The following CSMD1 variants were observed in gnomAD, a reference collection of about 807,000 sequenced individuals.
The protein encoded by CSMD1 is CUB and Sushi multiple domains 1.
A neutral mutation model predicts 417.5 loss-of-function variants in CSMD1; 213 were observed. That is an observed-to-expected ratio of 0.51 (90% CI 0.46 to 0.57). The LOEUF is 0.57. Ranked by LOEUF, CSMD1 falls within the 20% of genes least tolerant of loss-of-function variation. CSMD1 has a pLI of 0.00. For synonymous variants in CSMD1, 2,862 were observed against 1,736.8 expected (o/e 1.65, Z -16.11); for missense variants, 6,923 against 4,529.7 (o/e 1.53, Z -15.17).
At chr8:3,341,726 G>C (rs1807668237) in intron 23 of CSMD1, among the ~76,000 whole-genome samples, 1 of 152,144 alleles carries the variant, frequency 6.6e-6, no homozygotes, top group Non-Finnish European at 1.5e-5. Flanking sequence ...AAGAGAACTG[G>C]AAGAACGCCG....
At chr8:3,943,186 G>A (rs971726738) in intron 5 of CSMD1, among the ~76,000 whole-genome samples, 2 of 152,008 alleles carry the variant, frequency 1.3e-5, no homozygotes, top group African/African-American at 4.8e-5. Context: ...AATTGAGGAT[G>A]TTTCCTGGTG....
chr8:3,859,087 T>C (rs1804512337), intron 5 of CSMD1, among the ~76,000 whole-genome samples: 1 of 152,168 alleles, frequency 6.6e-6, no homozygotes, highest in Non-Finnish European at 1.5e-5. Context: ...CATCTTCTCA[T>C]CCATGCACAT....
chr8:4,822,281 C>G (rs115801911), intron 1 of CSMD1, among the ~76,000 whole-genome samples: 127 of 152,226 alleles, frequency 8.3e-4, no homozygotes, highest in African/African-American at 3.0e-3. Context: ...GTCTTGCTGT[C>G]TTAGGACACC....
chr8:4,041,115 C>G (rs1391593039), intron 3 of CSMD1, among the ~76,000 whole-genome samples: 3 of 145,634 alleles, frequency 2.1e-5, no homozygotes, highest in Non-Finnish European at 4.5e-5. Context: ...CTCCCGGGTT[C>G]CCGCCATTCT....
At chr8:3,751,944 G>A (rs751679077) in intron 6 of CSMD1, among the ~76,000 whole-genome samples, 5 of 152,168 alleles carry the variant, frequency 3.3e-5, no homozygotes, top group African/African-American at 1.2e-4. Flanking sequence ...CATTGGCCTT[G>A]TAAATATTGA....
chr8:4,696,998 C>A (rs962699409), intron 1 of CSMD1, among the ~76,000 whole-genome samples: 2 of 151,980 alleles, frequency 1.3e-5, no homozygotes, highest in Admixed American at 6.6e-5. Flanking sequence ...ATGGTGAAAC[C>A]CTGTCTCTAC....
At chr8:3,031,087 C>A (rs887960013) in intron 50 of CSMD1, among the ~76,000 whole-genome samples, 1 of 151,804 alleles carries the variant, frequency 6.6e-6, no homozygotes, top group Non-Finnish European at 1.5e-5. Flanking sequence ...ATATTTTTCT[C>A]CAGCCAAAAT....
intron 3 of CSMD1, among the ~76,000 whole-genome samples, chr8:4,413,228 G>C (rs577216082): frequency 1.6e-4 from 25 of 152,312 alleles, no homozygotes; most frequent in Middle Eastern, 3.4e-3. Context: ...GCAACCATCA[G>C]GGTGCAACTG....
At chr8:3,416,731 A>G (rs1813175167) in intron 12 of CSMD1, among the ~76,000 whole-genome samples, 1 of 152,154 alleles carries the variant, frequency 6.6e-6, no homozygotes, top group African/African-American at 2.4e-5. Flanking sequence ...GCAGCACTGT[A>G]CATGGACACA....
intron 23 of CSMD1, among the ~76,000 whole-genome samples, chr8:3,320,383 C>A (rs1357491822): frequency 6.6e-6 from 1 of 152,096 alleles, no homozygotes; most frequent in Non-Finnish European, 1.5e-5. Flanking sequence ...CTCCCCCATG[C>A]TGTAGCGATT....
At chr8:4,798,160 C>T (rs1376201297) in intron 1 of CSMD1, among the ~76,000 whole-genome samples, 5 of 152,192 alleles carry the variant, frequency 3.3e-5, no homozygotes, top group Non-Finnish European at 5.9e-5. Context: ...TATCCCTCCC[C>T]ACTTCCCCCA....
chr8:4,773,489 T>C (rs936493629), intron 1 of CSMD1, among the ~76,000 whole-genome samples: 1 of 152,190 alleles, frequency 6.6e-6, no homozygotes, highest in Non-Finnish European at 1.5e-5. Context: ...TGTTCATGGA[T>C]AAAGAATACT....
chr8:3,389,097 G>C (rs1312808735), intron 17 of CSMD1, among the ~76,000 whole-genome samples: 1 of 152,154 alleles, frequency 6.6e-6, no homozygotes, highest in Non-Finnish European at 1.5e-5. Flanking sequence ...CTGGGTGAAT[G>C]ATTTTTTGTT....
intron 3 of CSMD1, among the ~76,000 whole-genome samples, chr8:4,096,666 T>A (rs578096511): frequency 1.2e-4 from 19 of 152,318 alleles, no homozygotes; most frequent in Admixed American, 5.9e-4. Flanking sequence ...GATAAGAACA[T>A]AAGGCAACAA....
chr8:4,015,500 G>C lies in CSMD1; in HGVS notation c.610+16405C>G, dbSNP rs111957578. Among the ~76,000 whole-genome samples, 461 of 152,102 alleles carry C rather than the reference G, an allele frequency of 3.0e-3. 2 individuals are homozygous for C. The highest frequency in any genetic ancestry group is 0.01 in the African/African-American group (434 of 41,470). On this transcript the variant is annotated intron_variant, in intron 4 of 69. Transcript: ENST00000635120. ...ACAATTAAAGAAAACCACAGCTTCA[G>C]ATAGGTCTAAAAGCAACAATGGGCC...
At chr8:4,691,507 G>A (rs1024362923) in intron 1 of CSMD1, among the ~76,000 whole-genome samples, 2 of 152,008 alleles carry the variant, frequency 1.3e-5, no homozygotes, top group Non-Finnish European at 2.9e-5. Flanking sequence ...ATTTTTCCCC[G>A]CTTCTGACCT....
chr8:4,896,997 T>TTTTACAC (rs1804539095), intron 1 of CSMD1, among the ~76,000 whole-genome samples: 1 of 152,122 alleles, frequency 6.6e-6, no homozygotes, highest in African/African-American at 2.4e-5. Flanking sequence ...GTGTCTCGTT[T>TTTTACAC]TTTACACTGA....
chr8:4,121,371 T>C (rs1802478451), intron 3 of CSMD1, among the ~76,000 whole-genome samples: 1 of 152,184 alleles, frequency 6.6e-6, no homozygotes, highest in Admixed American at 6.5e-5. Context: ...CACCTTGGCC[T>C]CCCAAAGGGC....
chr8:3,404,292 A>C (rs940339780), intron 15 of CSMD1, among the ~76,000 whole-genome samples: 1 of 150,592 alleles, frequency 6.6e-6, no homozygotes, highest in Non-Finnish European at 1.5e-5. Context: ...CTGAGATTGC[A>C]CCACTGCACT....
Sources: gnomAD v4.1 joint callset for allele counts (sites outside exome capture counted in the v4.1 genomes callset) on GRCh38, gnomAD v4.1.1 for gene constraint, MANE v1.5 for transcripts, NCBI Gene and HGNC (gene_info 2026-07-23, HGNC 2026-07-21) for gene names.